NSF: variants seen among roughly 807,000 people sequenced by gnomAD.
NSF encodes vesicle-fusing ATPase.
In NSF, 14 loss-of-function variants were observed where a neutral mutation model predicts 50.3. The observed-to-expected ratio is 0.28, with a 90% CI of 0.18 to 0.44. The LOEUF (loss-of-function observed/expected upper bound fraction) is 0.44. NSF is among the 20% of genes least tolerant of loss of function. NSF has a pLI of 1.00. For missense variants in NSF, 218 were observed against 504.3 expected (o/e 0.43, Z 5.44); for synonymous variants, 109 against 175.7 (o/e 0.62, Z 3.00).
At chr17:46,750,364 G>GCCTA (rs1438157696) in intron 18 of NSF, among the ~76,000 whole-genome samples, 3 of 152,050 alleles carry the variant, frequency 2.0e-5, no homozygotes, top group African/African-American at 7.2e-5. Context: ...AACAAAAAAT[G>GCCTA]CCTAGGACCA....
At chr17:46,716,819 C>A (rs1046009879) in intron 15 of NSF, among the ~76,000 whole-genome samples, 1 of 152,188 alleles carries the variant, frequency 6.6e-6, no homozygotes, top group South Asian at 2.1e-4. Flanking sequence ...CATATACCCC[C>A]TCCCTTATAT....
chr17:46,730,628 G>T (rs1352441072), intron 17 of NSF, among the ~76,000 whole-genome samples: 4 of 152,094 alleles, frequency 2.6e-5, no homozygotes, highest in Non-Finnish European at 5.9e-5. Context: ...TGGCATAGAG[G>T]CTTATACGTA....
intron 17 of NSF, among the ~76,000 whole-genome samples, chr17:46,737,477 C>T (rs1296246443): frequency 6.6e-6 from 1 of 152,108 alleles, no homozygotes; most frequent in Non-Finnish European, 1.5e-5. Context: ...CCTTTTAGCT[C>T]ATACGAGGTG....
intron 15 of NSF, chr17:46,721,903 A>G (rs1428295416): frequency 1.3e-6 from 2 of 1,589,944 alleles, no homozygotes; most frequent in African/African-American, 1.3e-5. Context: ...CATGCTTCCC[A>G]CTGAACTTTT....
intron 20 of NSF, 28 bp downstream of exon 20, chr17:46,755,397 T>C (rs770727212): frequency 1.3e-5 from 21 of 1,572,750 alleles, no homozygotes; most frequent in Non-Finnish European, 1.8e-5. Flanking sequence ...TTAATGACCA[T>C]CAACCAAACT....
intron 15 of NSF, among the ~76,000 whole-genome samples, chr17:46,721,429 C>G (rs974540062): frequency 6.6e-6 from 1 of 152,162 alleles, no homozygotes; most frequent in African/African-American, 2.4e-5. Flanking sequence ...CTTTAGCCTT[C>G]TCTTTCAGAC....
intron 19 of NSF, among the ~76,000 whole-genome samples, chr17:46,752,973 T>C (rs1049793569): frequency 6.6e-6 from 1 of 152,202 alleles, no homozygotes; most frequent in African/African-American, 2.4e-5. Flanking sequence ...TTCACCATGT[T>C]GGCCAAGCCG....
chr17:46,631,084 A>ACACACACACACACACACGCG (rs1555668607), intron 4 of NSF, among the ~76,000 whole-genome samples: 3 of 145,678 alleles, frequency 2.1e-5, no homozygotes, highest in East Asian at 3.9e-4. Flanking sequence ...ACACACACAC[A>ACACACACACACACACACGCG]CACACACACA....
At chr17:46,728,754 A>T (rs1341943420) in intron 16 of NSF, 101 bp from the exon 17 acceptor site, 3 of 695,402 alleles carry the variant, frequency 4.3e-6, no homozygotes, top group Non-Finnish European at 4.7e-6. Context: ...TTATGTAGGG[A>T]CTGTGTTTAC....
intron 16 of NSF, among the ~76,000 whole-genome samples, chr17:46,728,439 A>T (rs1187923187): frequency 1.3e-5 from 2 of 152,128 alleles, no homozygotes; most frequent in East Asian, 3.8e-4. Flanking sequence ...ACATGAACTC[A>T]AAGTGAATAT....
intron 7 of NSF, among the ~76,000 whole-genome samples, chr17:46,642,547 AGTC>A (rs1477830384): frequency 3.2e-5 from 4 of 125,474 alleles, no homozygotes; most frequent in Non-Finnish European, 4.7e-5. Context: ...TAATCATTGA[AGTC>A]TTTAGGATGA....
chr17:46,722,188 T>G lies in NSF; in HGVS notation c.1762-4361T>G, dbSNP rs570417074. On this transcript the variant is annotated intron_variant, in intron 15 of 20. Transcript: ENST00000398238. ...AACATGGCTTTCTCCTGGGAGAACT[T>G]GCAGCGCCTGCTTAGGAAGAGACCC... 1.9e-6 allele frequency: 3 copies of G among 1,600,638 alleles called. No individual in the cohort carries two copies. In the South Asian group the frequency reaches 3.3e-5, roughly 18 times the overall value.
intron 15 of NSF, among the ~76,000 whole-genome samples, chr17:46,714,430 A>G (rs2058748845): frequency 6.6e-6 from 1 of 152,238 alleles, no homozygotes; most frequent in Non-Finnish European, 1.5e-5. Flanking sequence ...GGATAGTTTT[A>G]TATTAGGTAA....
intron 17 of NSF, among the ~76,000 whole-genome samples, chr17:46,742,451 A>G (rs916481133): frequency 6.6e-6 from 1 of 152,254 alleles, no homozygotes; most frequent in Admixed American, 6.5e-5. Flanking sequence ...AAACATCAGT[A>G]AAGCCAAACC....
intron 19 of NSF, 118 bp from the exon 20 acceptor site, chr17:46,755,185 AGGTAACACATT>A (rs2059220792): frequency 1.5e-6 from 1 of 680,956 alleles, no homozygotes; most frequent in Admixed American, 2.3e-5. Context: ...GTCAAGGAGC[AGGTAACACATT>A]CAGTGACCTA....
chr17:46,754,544 C>T (rs1363194208), intron 19 of NSF, among the ~76,000 whole-genome samples: 5 of 152,098 alleles, frequency 3.3e-5, no homozygotes, highest in Non-Finnish European at 5.9e-5. Flanking sequence ...ATGTTTTTAA[C>T]GATTGTTTTC....
intron 15 of NSF, among the ~76,000 whole-genome samples, chr17:46,725,953 C>T (rs1272261897): frequency 2.0e-5 from 3 of 152,172 alleles, no homozygotes; most frequent in Non-Finnish European, 2.9e-5. Flanking sequence ...AGGCTAAAAC[C>T]GTTCCTTCAC....
chr17:46,742,063 G>A (rs1446861966), intron 17 of NSF, among the ~76,000 whole-genome samples: 3 of 152,156 alleles, frequency 2.0e-5, no homozygotes, highest in Non-Finnish European at 4.4e-5. Context: ...AATAGTACTT[G>A]TTATCTCACT....
At chr17:46,750,767 T>C (rs2059174543) in intron 18 of NSF, among the ~76,000 whole-genome samples, 1 of 151,938 alleles carries the variant, frequency 6.6e-6, no homozygotes, top group Non-Finnish European at 1.5e-5. Flanking sequence ...TATAGAAAAA[T>C]TAACCATTCA....
Sources: allele counts gnomAD v4.1 joint callset (sites outside exome capture counted in the v4.1 genomes callset), GRCh38; gene constraint gnomAD v4.1.1; transcripts MANE v1.5; gene names NCBI Gene and HGNC (gene_info 2026-07-23, HGNC 2026-07-21).